Variants in TNR observed in about 807,000 individuals in gnomAD.
The protein encoded by TNR is tenascin R, also known as tenascin-R.
Under a neutral mutation model 150.4 loss-of-function variants are expected in TNR, and 45 were observed. The ratio of observed to expected loss-of-function variants is 0.30; its 90% CI spans 0.24 to 0.38. The LOEUF (loss-of-function observed/expected upper bound fraction) is 0.38. Among genes scored for constraint, TNR ranks in the 10% least tolerant of loss-of-function variants. The pLI, the probability that TNR is intolerant of heterozygous loss-of-function variation, is 1.00. For synonymous variants in TNR, 687 were observed against 678.4 expected (o/e 1.01, Z -0.20); for missense variants, 1,544 against 1,759.1 (o/e 0.88, Z 2.19).
In TNR at chr1:175,317,960, G is replaced by A. The variant is rs1304235255; in HGVS notation, c.*5397C>T. The A allele has an allele frequency of 6.6e-6, 1 of 152,232 alleles. No homozygotes were observed. Among genetic ancestry groups the A allele is most frequent in the Admixed American group, 6.5e-5 (1 of 15,284 alleles). The allele number at this position is 152,232 out of a possible 1,614,324, so 9.4% of individuals were successfully genotyped here. On this transcript the variant is annotated 3_prime_UTR_variant, in exon 23 of 23. Coordinates refer to ENST00000367674, the MANE Select transcript of TNR (RefSeq NM_003285.3). ...GCCAAGGACATTTGGACAATGAAGTGCTGCAGGTGCAATGAAGTCATGTTT... is the reference window on the plus strand; with the variant it reads ...GCCAAGGACATTTGGACAATGAAGTACTGCAGGTGCAATGAAGTCATGTTT...
chr1:175,719,055 T>C (rs578133766), intron 1 of TNR, among the ~76,000 whole-genome samples: 2 of 152,340 alleles, frequency 1.3e-5, no homozygotes, highest in South Asian at 2.1e-4. Context: ...ATCTGTGGCC[T>C]TCATTTGCTT....
chr1:175,342,194 G>A (rs1199101503), intron 18 of TNR, among the ~76,000 whole-genome samples: 3 of 152,222 alleles, frequency 2.0e-5, no homozygotes, highest in Non-Finnish European at 4.4e-5. Flanking sequence ...AGTGCTCTGG[G>A]AAAGAGATAA....
intron 2 of TNR, among the ~76,000 whole-genome samples, chr1:175,463,737 T>A (rs1247407468): frequency 6.6e-6 from 1 of 152,186 alleles, no homozygotes; most frequent in African/African-American, 2.4e-5. Flanking sequence ...CCATCTCTGG[T>A]TTAGATTGAT....
intron 2 of TNR, among the ~76,000 whole-genome samples, chr1:175,446,639 T>C (rs780550551): frequency 6.6e-4 from 100 of 152,316 alleles, no homozygotes; most frequent in Non-Finnish European, 1.1e-3. Context: ...TTGTTATCAA[T>C]ATTTTCTAAC....
chr1:175,688,968 G>A (rs1350433368), intron 1 of TNR, among the ~76,000 whole-genome samples: 1 of 152,370 alleles, frequency 6.6e-6, no homozygotes, highest in Non-Finnish European at 1.5e-5. Flanking sequence ...ACTATGTTGT[G>A]CTCTGGGAAT....
chr1:175,335,383 G>T, intron 20 of TNR: 1 of 238,152 alleles, frequency 4.2e-6, no homozygotes, highest in Non-Finnish European at 8.0e-6. Flanking sequence ...CTTGCTTCTG[G>T]GAGATGGCCA....
chr1:175,684,228 G>A (rs754972755), intron 1 of TNR, among the ~76,000 whole-genome samples: 5 of 152,116 alleles, frequency 3.3e-5, no homozygotes, highest in East Asian at 1.9e-4. Context: ...TCATCTGTTC[G>A]TTCAACAAAA....
Position 175,578,551 on chromosome 1 carries a change from C to A in TNR, c.-164-50182G>T, listed in dbSNP as rs1490734856. On this transcript the variant is annotated intron_variant, in intron 1 of 22. Coordinates refer to ENST00000367674, the MANE Select transcript of TNR (RefSeq NM_003285.3). ...AGGGGGAGCATTACCTAGATCGATG[C>A]AGGAACAGTGGGGAGAGAGATGAAT... 2.6e-5 allele frequency among the ~76,000 whole-genome samples: 4 copies of A among 152,174 alleles called. No homozygotes were observed. In the East Asian group the frequency reaches 7.7e-4, roughly 29 times the overall value.
At chr1:175,385,834 T>C (rs1414302035) in intron 8 of TNR, among the ~76,000 whole-genome samples, 198 bp downstream of exon 8, 1 of 152,084 alleles carries the variant, frequency 6.6e-6, no homozygotes, top group Non-Finnish European at 1.5e-5. Context: ...GAGAAGCTAG[T>C]TTTCCTCTCC....
chr1:175,351,128 G>A (rs1399487085), intron 18 of TNR, among the ~76,000 whole-genome samples: 1 of 152,190 alleles, frequency 6.6e-6, no homozygotes, highest in Admixed American at 6.5e-5. Context: ...CATGTCTGTG[G>A]GGTCCTGACT....
chr1:175,566,220 T>C lies in TNR; in HGVS notation c.-164-37851A>G, dbSNP rs564094847. 3.3e-5 allele frequency among the ~76,000 whole-genome samples: 5 copies of C among 152,362 alleles called. No homozygotes were observed. In the South Asian group the frequency reaches 6.2e-4, roughly 19 times the overall value. On this transcript the variant is annotated intron_variant, in intron 1 of 22. Coordinates refer to ENST00000367674, the MANE Select transcript of TNR (RefSeq NM_003285.3). The stretch of plus-strand genomic sequence containing the variant: ...TTAATTCATTAGCTCTGCACTTGCA[T>C]TTTTATTCTTTTCCCCTGGCTGCCA...
intron 1 of TNR, among the ~76,000 whole-genome samples, chr1:175,621,382 C>T (rs1663971552): frequency 6.6e-6 from 1 of 152,272 alleles, no homozygotes; most frequent in African/African-American, 2.4e-5. Flanking sequence ...TCTGACCCTC[C>T]TTGCTTCCCT....
intron 4 of TNR, among the ~76,000 whole-genome samples, chr1:175,397,443 T>C (rs1653486670): frequency 6.6e-6 from 1 of 152,224 alleles, no homozygotes; most frequent in Admixed American, 6.5e-5. Context: ...AGCACACCAC[T>C]GGCCAACATT....
chr1:175,445,196 G>T (rs544832742), intron 2 of TNR, among the ~76,000 whole-genome samples: 1 of 152,278 alleles, frequency 6.6e-6, no homozygotes, highest in East Asian at 1.9e-4. Flanking sequence ...AGTGAACCTG[G>T]GAGGCGGAGG....
intron 1 of TNR, among the ~76,000 whole-genome samples, chr1:175,601,963 T>A (rs1663254922): frequency 6.6e-6 from 1 of 152,060 alleles, no homozygotes; most frequent in Admixed American, 6.6e-5. Context: ...GAGGACACAC[T>A]TGGCCCCACT....
chr1:175,336,718 T>A (rs902195146), intron 19 of TNR, among the ~76,000 whole-genome samples: 2 of 152,196 alleles, frequency 1.3e-5, no homozygotes, highest in African/African-American at 4.8e-5. Context: ...GTGTCAGCTC[T>A]GGGGAAGAAC....
chr1:175,374,016 G>A (rs1437020319), intron 9 of TNR, among the ~76,000 whole-genome samples: 5 of 152,216 alleles, frequency 3.3e-5, no homozygotes, highest in Non-Finnish European at 5.9e-5. Flanking sequence ...CCCAAAGGAG[G>A]CTGAGCACTG....
At chr1:175,514,776 A>G (rs542094168) in intron 2 of TNR, among the ~76,000 whole-genome samples, 2 of 152,228 alleles carry the variant, frequency 1.3e-5, no homozygotes, top group Non-Finnish European at 2.9e-5. Context: ...CTGATGAAGC[A>G]CAGCATGATA....
chr1:175,687,598 C>T (rs1382283006), intron 1 of TNR, among the ~76,000 whole-genome samples: 1 of 152,116 alleles, frequency 6.6e-6, no homozygotes, highest in Non-Finnish European at 1.5e-5. Flanking sequence ...ATAGTTAACC[C>T]CGAAATGAAG....
Sources: allele counts gnomAD v4.1 joint callset (sites outside exome capture counted in the v4.1 genomes callset), GRCh38; gene constraint gnomAD v4.1.1; transcripts MANE v1.5; gene names NCBI Gene and HGNC (gene_info 2026-07-23, HGNC 2026-07-21).